The following P3H2 variants were observed in gnomAD, a reference collection of about 807,000 sequenced individuals.
P3H2 encodes the protein prolyl 3-hydroxylase 2.
A neutral mutation model predicts 87.0 loss-of-function variants in P3H2; 80 were observed. The observed-to-expected ratio is 0.92, with a 90% confidence interval of 0.77 to 1.11. P3H2 has a LOEUF of 1.11. P3H2 is among the 50% of genes least tolerant of loss of function. The pLI is 0.00. For missense variants in P3H2, 1,001 were observed against 923.9 expected (o/e 1.08, Z -1.08); for synonymous variants, 367 against 359.3 (o/e 1.02, Z -0.24).
At chr3:190,096,036 A>C (rs1012432242) in intron 1 of P3H2, among the ~76,000 whole-genome samples, 5 of 152,180 alleles carry the variant, frequency 3.3e-5, no homozygotes, top group African/African-American at 1.2e-4. Context: ...TGGATTCTGA[A>C]AATCATGTAG....
chr3:189,966,179 GAA>G (rs1722999740), intron 13 of P3H2, among the ~76,000 whole-genome samples: 2 of 127,840 alleles, frequency 1.6e-5, no homozygotes, highest in Non-Finnish European at 3.6e-5. Context: ...AAGAAAGAAA[GAA>G]AGAAAGAAAG....
At chr3:189,987,416 T>G (rs1577256005) in intron 5 of P3H2, 111 bp downstream of exon 5, 2 of 1,266,886 alleles carry the variant, frequency 1.6e-6, no homozygotes, top group Non-Finnish European at 2.2e-6. Context: ...GAGGCGGAGG[T>G]TGCGGTGAGC....
rs1385403556 is a variant in P3H2, at chr3:189,966,073, G to A, written c.1894-1975C>T. Among the ~76,000 whole-genome samples the A allele has an allele frequency of 9.7e-4, 109 of 112,572 alleles. 1 individual carries two copies. The highest frequency in any genetic ancestry group is 3.8e-3 in the African/African-American group (103 of 26,854). 73.9% of individuals were successfully genotyped at this position (112,572 alleles called of 152,430 possible). A position where few individuals can be genotyped will look rare whatever the true frequency, so the allele number is the denominator to read the frequency against. On this transcript the variant is annotated intron_variant, in intron 13 of 14. Coordinates refer to ENST00000319332, the MANE Select transcript of P3H2 (RefSeq NM_018192.4). ...GAAAGAAAGAAAGAAAGAGAAAGAA[G>A]GAAAGAAAGGAAGAAAGAAAGAAAG...
chr3:190,059,163 T>C (rs1176440493), intron 1 of P3H2, among the ~76,000 whole-genome samples: 1 of 152,138 alleles, frequency 6.6e-6, no homozygotes, highest in Non-Finnish European at 1.5e-5. Flanking sequence ...TACACTCCCA[T>C]AGCCTTGTGA....
intron 1 of P3H2, among the ~76,000 whole-genome samples, chr3:190,012,583 G>A (rs1368939094): frequency 6.6e-6 from 1 of 152,132 alleles, no homozygotes; most frequent in African/African-American, 2.4e-5. Flanking sequence ...GGTTTCTAGT[G>A]TTCCTCTTCT....
chr3:190,055,704 G>T (rs1033873536), intron 1 of P3H2, among the ~76,000 whole-genome samples: 2 of 152,162 alleles, frequency 1.3e-5, no homozygotes, highest in Non-Finnish European at 2.9e-5. Flanking sequence ...AAACAAAATA[G>T]ATTCAGCGTT....
At chr3:190,015,584 A>G (rs1724726979) in intron 1 of P3H2, among the ~76,000 whole-genome samples, 1 of 151,972 alleles carries the variant, frequency 6.6e-6, no homozygotes, top group African/African-American at 2.4e-5. Context: ...TCTTCTTTCG[A>G]CCAACCTTGA....
At chr3:189,974,394 A>T (rs1348481666) in intron 9 of P3H2, among the ~76,000 whole-genome samples, 164 bp downstream of exon 9, 1 of 152,168 alleles carries the variant, frequency 6.6e-6, no homozygotes, top group Non-Finnish European at 1.5e-5. Flanking sequence ...AATAATCCCA[A>T]CCCAAAGGCT....
chr3:190,110,308 G>C (rs910968487), intron 1 of P3H2, among the ~76,000 whole-genome samples: 3 of 152,188 alleles, frequency 2.0e-5, no homozygotes, highest in Non-Finnish European at 1.5e-5. Context: ...GTAAAGGCCA[G>C]GAATGTTGCT....
chr3:190,060,043 T>C (rs1261963735), intron 1 of P3H2, among the ~76,000 whole-genome samples: 1 of 152,206 alleles, frequency 6.6e-6, no homozygotes, highest in African/African-American at 2.4e-5. Context: ...CTAAGACACT[T>C]AATGTAAGAA....
intron 1 of P3H2, among the ~76,000 whole-genome samples, chr3:190,057,582 G>A (rs1463051000): frequency 6.6e-6 from 1 of 152,074 alleles, no homozygotes; most frequent in African/African-American, 2.4e-5. Flanking sequence ...GTTTCATATA[G>A]ATTTCTATTT....
At chr3:190,108,697 T>C (rs921295040) in intron 1 of P3H2, among the ~76,000 whole-genome samples, 3 of 152,104 alleles carry the variant, frequency 2.0e-5, no homozygotes, top group Non-Finnish European at 4.4e-5. Flanking sequence ...ATAGGAAGAG[T>C]GTCTTACTCA....
intron 1 of P3H2, among the ~76,000 whole-genome samples, chr3:190,052,580 A>G (rs768231838): frequency 3.9e-5 from 6 of 152,054 alleles, no homozygotes; most frequent in Non-Finnish European, 7.4e-5. Context: ...TTATATCCCC[A>G]ATTTATACAA....
At chr3:190,073,461 G>C (rs1191600753) in intron 1 of P3H2, among the ~76,000 whole-genome samples, 1 of 152,148 alleles carries the variant, frequency 6.6e-6, no homozygotes, top group Non-Finnish European at 1.5e-5. Flanking sequence ...GGGCGATTCT[G>C]AGCTAATCAG....
At position 190,084,178 on chromosome 3, in the gene P3H2, T is replaced by C. The variant is rs373069176; in HGVS notation, c.480+36074A>G. ...GACTCAAATGAGCTGATTATGTATA[T>C]TGCATATAGAGCAAGAATTTCCCGA... On this transcript the variant is annotated intron_variant, in intron 1 of 14. Coordinates refer to ENST00000319332, the MANE Select transcript of P3H2 (RefSeq NM_018192.4). Among the ~76,000 whole-genome samples the C allele has an allele frequency of 3.4e-3, 521 of 152,316 alleles. 4 individuals are homozygous for C. The highest frequency in any genetic ancestry group is 0.012 in the African/African-American group (498 of 41,572).
chr3:189,963,778 G>C, intron 14 of P3H2, 180 bp downstream of exon 14: 1 of 687,172 alleles, frequency 1.5e-6, no homozygotes, highest in South Asian at 1.7e-5. Context: ...ACAGATTAGT[G>C]ACTATCAAAT....
intron 1 of P3H2, among the ~76,000 whole-genome samples, chr3:190,113,461 T>A (rs1361327553): frequency 6.6e-6 from 1 of 152,230 alleles, no homozygotes; most frequent in Non-Finnish European, 1.5e-5. Context: ...GTTAGTTGAC[T>A]TGAAGGTGTT....
intron 1 of P3H2, among the ~76,000 whole-genome samples, chr3:190,114,574 T>TGGGACAATCCCAAGGA (rs1163165058): frequency 6.6e-6 from 1 of 152,180 alleles, no homozygotes; most frequent in African/African-American, 2.4e-5. Flanking sequence ...CTTTCAGATA[T>TGGGACAATCCCAAGGA]GGGACAATCC....
At chr3:189,963,182 G>A (rs1460034760) in intron 14 of P3H2, among the ~76,000 whole-genome samples, 1 of 152,188 alleles carries the variant, frequency 6.6e-6, no homozygotes, top group Non-Finnish European at 1.5e-5. Flanking sequence ...TGGAGACTAT[G>A]ACATCTGCCC....
Sources: gnomAD v4.1 joint callset for allele counts (sites outside exome capture counted in the v4.1 genomes callset) on GRCh38, gnomAD v4.1.1 for gene constraint, MANE v1.5 for transcripts, NCBI Gene and HGNC (gene_info 2026-07-23, HGNC 2026-07-21) for gene names.